Variants in TMEM116 observed in about 807,000 individuals in gnomAD.
TMEM116 encodes the protein transmembrane protein 116.
In TMEM116, 38 loss-of-function variants were observed where a neutral mutation model predicts 44.3. That is an observed-to-expected ratio of 0.86 (90% CI 0.66 to 1.12). The LOEUF is 1.12. TMEM116 is among the 50% of genes most tolerant of loss of function. The pLI, the probability that TMEM116 is intolerant of heterozygous loss-of-function variation, is 0.00. For synonymous variants in TMEM116, 132 were observed against 144.8 expected, an observed-to-expected ratio of 0.91 and a Z score of 0.64; for missense variants, 354 against 401.7, an observed-to-expected ratio of 0.88 and a Z score of 1.01.
chr12:111,939,934 G>GTGTGTGTGTGTGTA (rs2072562285), intron 5 of TMEM116, among the ~76,000 whole-genome samples: 2 of 123,090 alleles, frequency 1.6e-5, no homozygotes, highest in Non-Finnish European at 3.5e-5. Context: ...GTGTGTGTGT[G>GTGTGTGTGTGTGTA]TATGGAGCTA....
intron 4 of TMEM116, among the ~76,000 whole-genome samples, chr12:111,968,871 T>C (rs1399397309): frequency 4.7e-5 from 7 of 150,110 alleles, no homozygotes; most frequent in African/African-American, 1.7e-4. Context: ...CGGGCACCTG[T>C]AATCGCAGCT....
chr12:111,972,891 C>CA (rs1272610102), intron 4 of TMEM116, among the ~76,000 whole-genome samples: 2 of 149,918 alleles, frequency 1.3e-5, no homozygotes, highest in Admixed American at 6.7e-5. Context: ...AGAAACAAAA[C>CA]AAAAAAAACA....
chr12:111,967,845 C>T (rs975601857), intron 4 of TMEM116, among the ~76,000 whole-genome samples: 6 of 152,120 alleles, frequency 3.9e-5, no homozygotes. Context: ...TTTCAAGACA[C>T]CAGACATCAG....
chr12:111,985,143 T>A (rs779521217), intron 4 of TMEM116, among the ~76,000 whole-genome samples: 19 of 152,144 alleles, frequency 1.2e-4, no homozygotes, highest in Non-Finnish European at 1.8e-4. Context: ...CCACTTCTAT[T>A]CAACATAGTT....
intron 1 of TMEM116, among the ~76,000 whole-genome samples, chr12:112,008,487 A>T (rs1263920517): frequency 6.6e-6 from 1 of 151,960 alleles, no homozygotes; most frequent in East Asian, 1.9e-4. Context: ...CTCAAAAAAA[A>T]AAAAACCTCC....
intron 4 of TMEM116, among the ~76,000 whole-genome samples, chr12:111,959,519 G>C (rs986026767): frequency 6.6e-6 from 1 of 152,156 alleles, no homozygotes; most frequent in Non-Finnish European, 1.5e-5. Context: ...ATGCAAATGG[G>C]CTAAATGCCC....
chr12:111,985,260 T>C (rs2076162841), intron 4 of TMEM116, among the ~76,000 whole-genome samples: 2 of 146,544 alleles, frequency 1.4e-5, no homozygotes, highest in Admixed American at 1.4e-4. Context: ...ATCTTATATG[T>C]AGAAAACTCT....
chr12:111,952,555 CA>C (rs1389848926), intron 4 of TMEM116, among the ~76,000 whole-genome samples: 1 of 152,088 alleles, frequency 6.6e-6, no homozygotes, highest in African/African-American at 2.4e-5. Flanking sequence ...AGGGTGTTGC[CA>C]AAGGAGATTA....
chr12:112,002,543 C>T lies in TMEM116; in HGVS notation c.78+1257G>A, dbSNP rs570185872. Among the ~76,000 whole-genome samples the T allele has an allele frequency of 8.9e-5, 13 of 146,634 alleles. 1 individual carries two copies. The highest frequency in any genetic ancestry group is 7.6e-4 in the Admixed American group (11 of 14,440). The stretch of plus-strand genomic sequence containing the variant: ...TCGTGCCACTGCACTCCAGCCTCGG[C>T]GACACAGTGAGACTCCATCTCAAAA... On this transcript the variant is annotated intron_variant, in intron 3 of 10. Transcript: ENST00000552374.
intron 1 of TMEM116, among the ~76,000 whole-genome samples, chr12:112,007,488 G>A (rs1041063568): frequency 7.9e-5 from 12 of 152,058 alleles, no homozygotes; most frequent in African/African-American, 2.4e-4. Context: ...AGTCTATAGC[G>A]GAAGACCAGA....
chr12:111,940,589 G>A lies in TMEM116; in HGVS notation c.316-2379C>T, dbSNP rs1029966759. 7.5e-5 allele frequency among the ~76,000 whole-genome samples: 9 copies of A among 119,894 alleles called. No individual in the cohort carries two copies. The East Asian group carries it at 1.3e-3, about 17-fold the overall frequency. 78.7% of individuals were successfully genotyped at this position (119,894 alleles called of 152,430 possible). On this transcript the variant is annotated intron_variant, in intron 5 of 10. Coordinates refer to ENST00000552374, the MANE Select transcript of TMEM116 (RefSeq NM_001193531.2). ...TGTGTATATATATATATATATCTTCGGCTAAAGCTTTTCTTCTTGAAACCA... is the reference window on the plus strand; with the variant it reads ...TGTGTATATATATATATATATCTTCAGCTAAAGCTTTTCTTCTTGAAACCA...
At chr12:111,986,946 T>A (rs2076261265) in intron 4 of TMEM116, among the ~76,000 whole-genome samples, 1 of 152,072 alleles carries the variant, frequency 6.6e-6, no homozygotes, top group African/African-American at 2.4e-5. Flanking sequence ...TATAAAACTC[T>A]TAAAAGAAAA....
At chr12:111,933,296 G>A (rs1211587485) in intron 9 of TMEM116, among the ~76,000 whole-genome samples, 1 of 151,836 alleles carries the variant, frequency 6.6e-6, no homozygotes, top group Non-Finnish European at 1.5e-5. Flanking sequence ...TATGTAGTAG[G>A]AAGGGCAGGT....
intron 4 of TMEM116, among the ~76,000 whole-genome samples, chr12:111,964,469 T>G (rs2136411579): frequency 6.6e-6 from 1 of 151,968 alleles, no homozygotes; most frequent in East Asian, 1.9e-4. Flanking sequence ...TAAATCAGTT[T>G]CACACAGATG....
At chr12:111,966,598 G>A (rs928953101) in intron 4 of TMEM116, among the ~76,000 whole-genome samples, 1 of 152,156 alleles carries the variant, frequency 6.6e-6, no homozygotes, top group South Asian at 2.1e-4. Context: ...ATCATAACTC[G>A]TAAAAGAGGT....
chr12:112,003,681 A>G, intron 3 of TMEM116, 119 bp downstream of exon 3: 1 of 1,380,432 alleles, frequency 7.2e-7, no homozygotes, highest in Non-Finnish European at 9.4e-7. Flanking sequence ...TTGTATCATC[A>G]TGACAAATTT....
chr12:111,996,726 C>T (rs933826897), intron 3 of TMEM116, among the ~76,000 whole-genome samples: 3 of 151,928 alleles, frequency 2.0e-5, no homozygotes. Flanking sequence ...GCATAATGTA[C>T]AAGAATGCTT....
intron 4 of TMEM116, among the ~76,000 whole-genome samples, chr12:111,972,056 C>A (rs1408840488): frequency 8.5e-6 from 1 of 117,816 alleles, no homozygotes; most frequent in Admixed American, 1.1e-4. Flanking sequence ...GCCTAGGTGA[C>A]AGAATGACAC....
At chr12:111,957,106 G>A (rs1288964389) in intron 4 of TMEM116, among the ~76,000 whole-genome samples, 7 of 151,616 alleles carry the variant, frequency 4.6e-5, no homozygotes, top group Admixed American at 6.6e-5. Flanking sequence ...GGGATGTGAG[G>A]AGCCCCTCTG....
Sources: gnomAD v4.1 joint callset for allele counts (sites outside exome capture counted in the v4.1 genomes callset) on GRCh38, gnomAD v4.1.1 for gene constraint, MANE v1.5 for transcripts, NCBI Gene and HGNC (gene_info 2026-07-23, HGNC 2026-07-21) for gene names.